The following DMC1 variants were observed in gnomAD, a reference collection of about 807,000 sequenced individuals.
DMC1 encodes the protein DNA meiotic recombinase 1.
A neutral mutation model predicts 50.1 loss-of-function variants in DMC1; 27 were observed. That is an observed-to-expected ratio of 0.54 (90% CI 0.40 to 0.74). The LOEUF is 0.74. DMC1 is among the 30% of genes least tolerant of loss of function. The pLI is 0.00. For missense variants in DMC1, 295 were observed against 420.2 expected (o/e 0.70, Z 2.60); for synonymous variants, 148 against 136.1 (o/e 1.09, Z -0.61).
chr22:38,509,460 GAGC>G, the DMC1 span, among the ~76,000 whole-genome samples: 3 of 152,150 alleles, frequency 2.0e-5, no homozygotes, highest in South Asian at 6.2e-4. Context: ...AATAATCATA[GAGC>G]AGAGGCAGCA....
intron 8 of DMC1, among the ~76,000 whole-genome samples, chr22:38,539,691 A>G (rs943944185): frequency 6.6e-6 from 1 of 152,194 alleles, no homozygotes; most frequent in African/African-American, 2.4e-5. Context: ...CTTGGAAGCT[A>G]GTTTTTATGG....
chr22:38,546,365 G>T (rs111654891), intron 8 of DMC1, among the ~76,000 whole-genome samples: 15 of 152,108 alleles, frequency 9.9e-5, no homozygotes, highest in South Asian at 2.1e-4. Context: ...CTCCAGCCTG[G>T]GCAACAAGAG....
At position 38,521,590 on chromosome 22, in the gene DMC1, A is replaced by ACACAAAC; in HGVS notation, c.953+17_953+18insGTTTGTG. 1 of 1,426,470 alleles carries ACACAAAC rather than the reference A, an allele frequency of 7.0e-7. No homozygotes were observed. Among genetic ancestry groups the ACACAAAC allele is most frequent in the Non-Finnish European group, 9.7e-7 (1 of 1,025,906 alleles). The allele number at this position is 1,426,470 out of a possible 1,614,324, so 88.4% of individuals were successfully genotyped here. On this transcript the variant is annotated intron_variant, in intron 13 of 13. Transcript: ENST00000216024. ...ACACACACACACACACACACACACA[A>ACACAAAC]AATAAAAAAAAATTTACCTGTCATA...
In DMC1 at chr22:38,519,389, T is replaced by A. The variant is rs1369770022; in HGVS notation, c.*631A>T. Reference sequence around the variant, plus strand: ...AAATACATTTTTTAAAAGTAATTTCTGCTTGTCAAAGTCAAATGATTTAAA... The same window carrying A: ...AAATACATTTTTTAAAAGTAATTTCAGCTTGTCAAAGTCAAATGATTTAAA... On this transcript the variant is annotated 3_prime_UTR_variant, in exon 14 of 14. Coordinates refer to ENST00000216024, the MANE Select transcript of DMC1 (RefSeq NM_007068.4). 6.5e-6 allele frequency: 1 copy of A among 152,780 alleles called. No homozygotes were observed. Among genetic ancestry groups the A allele is most frequent in the Non-Finnish European group, 1.5e-5 (1 of 68,488 alleles). 9.5% of individuals were successfully genotyped at this position (152,780 alleles called of 1,614,324 possible). A position where few individuals can be genotyped will look rare whatever the true frequency, so the allele number is the denominator to read the frequency against.
chr22:38,551,856 C>CTTTTTT (rs71761663), intron 7 of DMC1, among the ~76,000 whole-genome samples: 42 of 93,148 alleles, frequency 4.5e-4, no homozygotes, highest in Non-Finnish European at 6.5e-4. Context: ...GAACTCCTTT[C>CTTTTTT]TTTTTTTTTT....
intron 12 of DMC1, among the ~76,000 whole-genome samples, chr22:38,528,562 A>T (rs1463567029): frequency 6.6e-6 from 1 of 151,770 alleles, no homozygotes; most frequent in Non-Finnish European, 1.5e-5. Flanking sequence ...TGCTTGTTTG[A>T]TCCCTTGGAG....
At chr22:38,560,668 T>G (rs541425920) in intron 5 of DMC1, among the ~76,000 whole-genome samples, 1 of 152,024 alleles carries the variant, frequency 6.6e-6, no homozygotes, top group East Asian at 1.9e-4. Flanking sequence ...ACTCTCTATG[T>G]ACACACACAC....
At chr22:38,551,980 C>T (rs1032328397) in intron 7 of DMC1, among the ~76,000 whole-genome samples, 1 of 151,772 alleles carries the variant, frequency 6.6e-6, no homozygotes, top group African/African-American at 2.4e-5. Context: ...CCTGCCTCAG[C>T]CTCCCCAGCA....
intron 3 of DMC1, 33 bp downstream of exon 3, chr22:38,567,550 G>A: frequency 5.2e-6 from 8 of 1,552,766 alleles, no homozygotes; most frequent in Non-Finnish European, 7.1e-6. Flanking sequence ...TCCTGAATCA[G>A]ACAATTTAAC....
At chr22:38,516,432 T>C (rs1367836581), downstream of DMC1, among the ~76,000 whole-genome samples, 1 of 152,142 alleles carries the variant, frequency 6.6e-6, no homozygotes, top group African/African-American at 2.4e-5. Flanking sequence ...ATTTCAAGTC[T>C]TGAGAGTTTT....
intron 8 of DMC1, among the ~76,000 whole-genome samples, chr22:38,546,950 C>T (rs1320001514): frequency 6.6e-6 from 1 of 152,110 alleles, no homozygotes; most frequent in African/African-American, 2.4e-5. Flanking sequence ...ATAAGTATTA[C>T]AGCAAAACAA....
intron 5 of DMC1, among the ~76,000 whole-genome samples, chr22:38,558,023 C>T (rs1379283993): frequency 4.7e-5 from 6 of 127,522 alleles, no homozygotes; most frequent in Middle Eastern, 6.3e-3. Flanking sequence ...AATGCAGTGG[C>T]GTGATCTTGG....
intron 8 of DMC1, among the ~76,000 whole-genome samples, chr22:38,545,368 G>A (rs1374135594): frequency 2.0e-5 from 3 of 152,138 alleles, no homozygotes; most frequent in African/African-American, 7.2e-5. Context: ...CCATGATCAC[G>A]TCATTGCACT....
Position 38,519,985 on chromosome 22 carries a change from T to A in DMC1, c.*35A>T, listed in dbSNP as rs2090006167. ...GCTTTTCCATTTCTTCAGCTCCTAATAAGCACTAAGAAGCAATTTGCATCA... is the reference window on the plus strand; with the variant it reads ...GCTTTTCCATTTCTTCAGCTCCTAAAAAGCACTAAGAAGCAATTTGCATCA... On this transcript the variant is annotated 3_prime_UTR_variant, in exon 14 of 14. Transcript: ENST00000216024. 3.9e-6 allele frequency: 6 copies of A among 1,557,876 alleles called. No homozygotes were observed. Among genetic ancestry groups the A allele is most frequent in the Non-Finnish European group, 5.3e-6 (6 of 1,129,244 alleles).
At chr22:38,565,266 G>A (rs1031936698) in intron 4 of DMC1, among the ~76,000 whole-genome samples, 2 of 150,736 alleles carry the variant, frequency 1.3e-5, no homozygotes, top group Non-Finnish European at 3.0e-5. Flanking sequence ...GTAGGAGAGG[G>A]GATTTGACTC....
At chr22:38,543,578 C>T (rs1288905563) in intron 8 of DMC1, among the ~76,000 whole-genome samples, 1 of 152,090 alleles carries the variant, frequency 6.6e-6, no homozygotes. Flanking sequence ...TCCAAGGAAC[C>T]AATGTATCAG....
At chr22:38,534,432 G>C (rs2090188380) in intron 12 of DMC1, among the ~76,000 whole-genome samples, 1 of 152,212 alleles carries the variant, frequency 6.6e-6, no homozygotes, top group Admixed American at 6.5e-5. Context: ...GCTGGGCGTA[G>C]TGGCTCACAC....
At chr22:38,543,837 C>A (rs1224291271) in intron 8 of DMC1, among the ~76,000 whole-genome samples, 1 of 152,128 alleles carries the variant, frequency 6.6e-6, no homozygotes, top group Non-Finnish European at 1.5e-5. Context: ...TCCTTCCTGC[C>A]AAACTACTCA....
rs2090000316 is a variant in DMC1 at position 38,519,478 on chromosome 22, A to G, written c.*542T>C. The G allele has an allele frequency of 6.5e-6, 1 of 154,656 alleles. No homozygotes were observed. Among genetic ancestry groups the G allele is most frequent in the East Asian group, 1.9e-4 (1 of 5,264 alleles). 9.6% of individuals were successfully genotyped at this position (154,656 alleles called of 1,614,324 possible). The stretch of plus-strand genomic sequence containing the variant: ...AGGTGAATATGCAGTTTGATATTAT[A>G]AATAGAAAGAGCTTTTGTGTGTGTG... On this transcript the variant is annotated 3_prime_UTR_variant, in exon 14 of 14. Transcript: ENST00000216024.
Sources: allele counts gnomAD v4.1 joint callset (sites outside exome capture counted in the v4.1 genomes callset), GRCh38; gene constraint gnomAD v4.1.1; transcripts MANE v1.5; gene names NCBI Gene and HGNC (gene_info 2026-07-23, HGNC 2026-07-21).